The following GPC5 variants were observed in gnomAD, a reference collection of about 807,000 sequenced individuals.
GPC5 encodes glypican-5.
In GPC5, 47 loss-of-function variants were observed where a neutral mutation model predicts 53.9. That is an observed-to-expected ratio of 0.87 (90% CI 0.69 to 1.11). GPC5 has a LOEUF of 1.11. Among genes scored for constraint, GPC5 ranks in the 50% most tolerant of loss-of-function variants. The pLI is 0.00. For missense variants in GPC5, 748 were observed against 713.1 expected, an observed-to-expected ratio of 1.05 and a Z score of -0.56; for synonymous variants, 286 against 263.3, an observed-to-expected ratio of 1.09 and a Z score of -0.84.
chr13:92,664,178 G>A (rs1470073703), intron 7 of GPC5, among the ~76,000 whole-genome samples: 3 of 151,956 alleles, frequency 2.0e-5, no homozygotes, highest in Non-Finnish European at 2.9e-5. Flanking sequence ...AAAGTTGTAT[G>A]TAAGGCTAGT....
chr13:92,563,447 T>G (rs559422379), intron 7 of GPC5, among the ~76,000 whole-genome samples: 6 of 152,026 alleles, frequency 3.9e-5, no homozygotes, highest in African/African-American at 9.6e-5. Flanking sequence ...TCTTAAATTT[T>G]AACTTGCATG....
intron 7 of GPC5, among the ~76,000 whole-genome samples, chr13:92,846,124 T>A (rs1408946507): frequency 2.0e-5 from 3 of 151,996 alleles, no homozygotes; most frequent in Non-Finnish European, 4.4e-5. Context: ...CTTATAATCA[T>A]AGGAGAAGGG....
chr13:92,700,255 A>ATTT (rs36058737), intron 7 of GPC5, among the ~76,000 whole-genome samples: 2,067 of 103,538 alleles, frequency 0.02, 42 homozygotes, highest in South Asian at 0.027. Context: ...CAACCCCTGC[A>ATTT]TTTTTTTTTT....
At chr13:92,061,297 A>G (rs987225503) in intron 6 of GPC5, among the ~76,000 whole-genome samples, 1 of 152,038 alleles carries the variant, frequency 6.6e-6, no homozygotes, top group African/African-American at 2.4e-5. Flanking sequence ...GGTTTTGCAG[A>G]GTGCAATAAA....
intron 6 of GPC5, among the ~76,000 whole-genome samples, chr13:91,934,102 A>C (rs1169528109): frequency 6.6e-6 from 1 of 151,890 alleles, no homozygotes; most frequent in Admixed American, 6.6e-5. Flanking sequence ...TTTATTTTTA[A>C]AAGTGACAAA....
intron 6 of GPC5, among the ~76,000 whole-genome samples, chr13:92,067,390 G>C (rs2041175873): frequency 6.6e-6 from 1 of 151,974 alleles, no homozygotes; most frequent in Admixed American, 6.6e-5. Context: ...TTTAATTCTG[G>C]TATGCGTGCA....
intron 4 of GPC5, among the ~76,000 whole-genome samples, chr13:91,750,963 G>GT (rs199934805): frequency 2.6e-5 from 4 of 152,048 alleles, no homozygotes; most frequent in African/African-American, 7.2e-5. Flanking sequence ...CGCCTGGCCG[G>GT]TAAGTCTTTT....
intron 7 of GPC5, among the ~76,000 whole-genome samples, chr13:92,753,223 G>A (rs1445139544): frequency 1.3e-5 from 2 of 152,092 alleles, no homozygotes; most frequent in Non-Finnish European, 2.9e-5. Flanking sequence ...CCCCAGCAGG[G>A]GCACACTGAC....
intron 2 of GPC5, among the ~76,000 whole-genome samples, chr13:91,469,554 CT>C (rs1364314758): frequency 1.3e-5 from 2 of 152,086 alleles, no homozygotes; most frequent in Non-Finnish European, 2.9e-5. Context: ...GTGTGAGCCA[CT>C]ATGCCTGGTC....
chr13:92,223,922 GA>G (rs1350185905), intron 7 of GPC5, among the ~76,000 whole-genome samples: 2 of 151,904 alleles, frequency 1.3e-5, no homozygotes, highest in Non-Finnish European at 2.9e-5. Flanking sequence ...CTCATTCCAA[GA>G]ATATAAGAGG....
chr13:91,434,300 G>A (rs1879736934), intron 1 of GPC5, among the ~76,000 whole-genome samples: 1 of 152,104 alleles, frequency 6.6e-6, no homozygotes, highest in Admixed American at 6.6e-5. Context: ...GAATGGTATT[G>A]CCTAGGTTTT....
intron 7 of GPC5, among the ~76,000 whole-genome samples, chr13:92,154,124 G>A (rs2041926431): frequency 6.6e-6 from 1 of 152,162 alleles, no homozygotes; most frequent in African/African-American, 2.4e-5. Flanking sequence ...GGGAGTGCCA[G>A]TGTATCACAT....
At chr13:91,457,079 AT>A (rs1026143257) in intron 2 of GPC5, among the ~76,000 whole-genome samples, 1 of 152,048 alleles carries the variant, frequency 6.6e-6, no homozygotes, top group Non-Finnish European at 1.5e-5. Context: ...TCCTATTACT[AT>A]TATAAATTCT....
At chr13:92,054,359 T>C (rs73623573) in intron 6 of GPC5, among the ~76,000 whole-genome samples, 4,700 of 152,254 alleles carry the variant, frequency 0.031, 219 homozygotes, top group African/African-American at 0.11. Flanking sequence ...CTCTCACTTC[T>C]TCATGACTTG....
At chr13:92,117,719 TA>T (rs2041612281) in intron 6 of GPC5, among the ~76,000 whole-genome samples, 1 of 152,206 alleles carries the variant, frequency 6.6e-6, no homozygotes, top group Non-Finnish European at 1.5e-5. Flanking sequence ...ATAAACACTT[TA>T]TTTTTTGTCA....
chr13:91,475,792 A>T (rs1182597420), intron 2 of GPC5, among the ~76,000 whole-genome samples: 1 of 152,150 alleles, frequency 6.6e-6, no homozygotes, highest in African/African-American at 2.4e-5. Flanking sequence ...GAGGCTCAGA[A>T]TTGGTACACG....
chr13:92,567,559 A>C (rs1472043559), intron 7 of GPC5, among the ~76,000 whole-genome samples: 1 of 152,174 alleles, frequency 6.6e-6, no homozygotes, highest in Admixed American at 6.6e-5. Context: ...AATGGGCTTA[A>C]TGTAACCAAA....
chr13:92,654,283 C>A (rs1886055724), intron 7 of GPC5, among the ~76,000 whole-genome samples: 1 of 152,136 alleles, frequency 6.6e-6, no homozygotes, highest in African/African-American at 2.4e-5. Context: ...AAACTGTTAT[C>A]TTCCCTTATA....
chr13:92,390,993 G>T (rs1010526597), intron 7 of GPC5, among the ~76,000 whole-genome samples: 13 of 152,016 alleles, frequency 8.6e-5, no homozygotes, highest in African/African-American at 3.1e-4. Context: ...TCAAAATGTA[G>T]AGATAAAATT....
Sources: gnomAD v4.1 joint callset for allele counts (sites outside exome capture counted in the v4.1 genomes callset) on GRCh38, gnomAD v4.1.1 for gene constraint, MANE v1.5 for transcripts, NCBI Gene and HGNC (gene_info 2026-07-23, HGNC 2026-07-21) for gene names.